NPAS3: variants seen among roughly 807,000 people sequenced by gnomAD.
The protein encoded by NPAS3 is neuronal PAS domain-containing protein 3.
A neutral mutation model predicts 73.1 loss-of-function variants in NPAS3; 14 were observed. That is an observed-to-expected ratio of 0.19 (90% CI 0.13 to 0.30). The LOEUF (loss-of-function observed/expected upper bound fraction) is 0.30. Ranked by LOEUF, NPAS3 falls within the 10% of genes least tolerant of loss-of-function variation. The pLI is 1.00. For missense variants in NPAS3, 1,096 were observed against 1,250.0 expected (o/e 0.88, Z 1.86); for synonymous variants, 620 against 541.5 (o/e 1.14, Z -2.01).
intron 3 of NPAS3, among the ~76,000 whole-genome samples, chr14:33,338,827 A>G (rs989792899): frequency 1.3e-5 from 2 of 152,190 alleles, no homozygotes; most frequent in African/African-American, 4.8e-5. Flanking sequence ...GACATCCCAT[A>G]CTCAAACAAA....
intron 5 of NPAS3, among the ~76,000 whole-genome samples, chr14:33,622,390 A>G (rs1480638271): frequency 6.6e-6 from 1 of 152,166 alleles, no homozygotes; most frequent in African/African-American, 2.4e-5. Context: ...TGCCAACATG[A>G]TGAAGTTACT....
intron 4 of NPAS3, among the ~76,000 whole-genome samples, chr14:33,466,950 G>C (rs573882587): frequency 6.6e-6 from 1 of 152,276 alleles, no homozygotes; most frequent in Non-Finnish European, 1.5e-5. Context: ...CCTTGAAGGA[G>C]GTAATAAAAG....
intron 1 of NPAS3, among the ~76,000 whole-genome samples, chr14:32,957,301 A>T (rs913726409): frequency 6.6e-6 from 1 of 151,832 alleles, no homozygotes; most frequent in African/African-American, 2.4e-5. Flanking sequence ...CTTTTTAAAC[A>T]TTTGAATTTG....
At chr14:33,191,582 A>T (rs906131938) in intron 2 of NPAS3, among the ~76,000 whole-genome samples, 2 of 152,212 alleles carry the variant, frequency 1.3e-5, no homozygotes, top group African/African-American at 4.8e-5. Context: ...AGCAGAAAAC[A>T]GCTGGATCAT....
At chr14:32,943,693 CTTTTT>C (rs11331212) in intron 1 of NPAS3, among the ~76,000 whole-genome samples, 1 of 122,314 alleles carries the variant, frequency 8.2e-6, no homozygotes, top group Non-Finnish European at 1.7e-5. Flanking sequence ...TTTTCTTTTT[CTTTTT>C]TTTTTTTTTT....
At chr14:33,510,451 A>T (rs184047145) in intron 4 of NPAS3, among the ~76,000 whole-genome samples, 16 of 152,120 alleles carry the variant, frequency 1.1e-4, no homozygotes, top group African/African-American at 3.8e-4. Flanking sequence ...TCCAGTTCCC[A>T]GGGTGGGTGG....
intron 9 of NPAS3, among the ~76,000 whole-genome samples, chr14:33,782,809 G>A (rs903437819): frequency 3.5e-5 from 5 of 141,356 alleles, no homozygotes; most frequent in Non-Finnish European, 8.0e-5. Context: ...ACATACTTGG[G>A]GGTTGTTTTT....
intron 1 of NPAS3, among the ~76,000 whole-genome samples, chr14:33,023,632 C>T (rs1261156310): frequency 2.0e-5 from 3 of 152,122 alleles, no homozygotes; most frequent in African/African-American, 7.2e-5. Flanking sequence ...ATTCAGAATA[C>T]ATCCTTTTCA....
At chr14:33,255,293 T>C (rs1054710991) in intron 3 of NPAS3, among the ~76,000 whole-genome samples, 2 of 152,166 alleles carry the variant, frequency 1.3e-5, no homozygotes, top group Non-Finnish European at 2.9e-5. Context: ...TCTTAGGTAA[T>C]TCTTCTAAGC....
intron 6 of NPAS3, among the ~76,000 whole-genome samples, chr14:33,703,913 T>C (rs2060589243): frequency 6.6e-6 from 1 of 152,176 alleles, no homozygotes; most frequent in South Asian, 2.1e-4. Flanking sequence ...GCCCATGTTC[T>C]CCACCACTCT....
chr14:33,049,594 G>A (rs1458020263), intron 1 of NPAS3, among the ~76,000 whole-genome samples: 1 of 152,160 alleles, frequency 6.6e-6, no homozygotes, highest in Non-Finnish European at 1.5e-5. Flanking sequence ...GGAAAGACCT[G>A]CCCCCATGAT....
At chr14:33,384,229 C>A (rs2046677954) in intron 4 of NPAS3, among the ~76,000 whole-genome samples, 1 of 152,028 alleles carries the variant, frequency 6.6e-6, no homozygotes, top group African/African-American at 2.4e-5. Context: ...ATGAAGGCAA[C>A]AACCTTAGGA....
chr14:33,544,647 A>G (rs956853505), intron 4 of NPAS3, among the ~76,000 whole-genome samples: 1 of 150,908 alleles, frequency 6.6e-6, no homozygotes, highest in African/African-American at 2.4e-5. Flanking sequence ...CCCTACAGGC[A>G]CCTTGACTGT....
rs117743183 is a variant in NPAS3, at chr14:33,155,464, C to G, written c.141-59718C>G. On this transcript the variant is annotated intron_variant, in intron 2 of 11. Transcript: ENST00000356141. ...GGAGTACAATGACACAATCATAGTT[C>G]ACTGCAGCTTCGAATTCCTGGGCTC... Among the ~76,000 whole-genome samples the G allele has an allele frequency of 7.8e-4, 118 of 152,240 alleles. 3 individuals carry two copies. The East Asian group carries it at 0.022, about 28-fold the overall frequency.
intron 2 of NPAS3, among the ~76,000 whole-genome samples, chr14:33,181,165 C>A (rs1391216410): frequency 6.6e-6 from 1 of 152,074 alleles, no homozygotes; most frequent in African/African-American, 2.4e-5. Context: ...TTAGATAAAT[C>A]TGAAACTCCG....
intron 4 of NPAS3, among the ~76,000 whole-genome samples, chr14:33,544,962 TCTC>T (rs1414079186): frequency 2.7e-5 from 4 of 150,272 alleles, no homozygotes; most frequent in African/African-American, 9.8e-5. Flanking sequence ...AAATCATTTT[TCTC>T]CTATGTCTCT....
In NPAS3 at chr14:32,957,057, C is replaced by T. The variant is rs768388413; in HGVS notation, c.50+17691C>T. On this transcript the variant is annotated intron_variant, in intron 1 of 11. Transcript: ENST00000356141. ...ATGATGATGATTTTAGTTAATTTGT[C>T]CAAATTAATTCTGGCTTCCCAGGTC... Among the ~76,000 whole-genome samples, 134 of 152,202 alleles carry T rather than the reference C, an allele frequency of 8.8e-4. No individual in the cohort carries two copies. The Middle Eastern group carries it at 0.01, about 12-fold the overall frequency.
intron 8 of NPAS3, 81 bp downstream of exon 8, chr14:33,774,611 A>G (rs1486599139): frequency 3.6e-6 from 4 of 1,125,106 alleles, no homozygotes; most frequent in Non-Finnish European, 5.3e-6. Context: ...GAAGGATGGT[A>G]CTCTCCCAGT....
intron 3 of NPAS3, among the ~76,000 whole-genome samples, chr14:33,292,107 C>T (rs1416115454): frequency 6.6e-6 from 1 of 152,220 alleles, no homozygotes; most frequent in Admixed American, 6.5e-5. Context: ...CTTATTTATT[C>T]AGTCAGCATA....
Sources: gnomAD v4.1 joint callset for allele counts (sites outside exome capture counted in the v4.1 genomes callset) on GRCh38, gnomAD v4.1.1 for gene constraint, MANE v1.5 for transcripts, NCBI Gene and HGNC (gene_info 2026-07-23, HGNC 2026-07-21) for gene names.